The following KCNQ5 variants were observed in gnomAD, a reference collection of about 807,000 sequenced individuals.
KCNQ5 encodes potassium voltage-gated channel subfamily KQT member 5.
Under a neutral mutation model 98.2 loss-of-function variants are expected in KCNQ5, and 30 were observed. The observed-to-expected ratio is 0.31, with a 90% CI of 0.23 to 0.41. The LOEUF is 0.41. Among genes scored for constraint, KCNQ5 ranks in the 10% least tolerant of loss-of-function variants. The probability of loss-of-function intolerance (pLI) is 1.00; values close to 1 mark genes in which losing one functional copy is unlikely to be tolerated. For missense variants in KCNQ5, 835 were observed against 1,182.5 expected (o/e 0.71, Z 4.31); for synonymous variants, 458 against 449.4 (o/e 1.02, Z -0.24).
intron 9 of KCNQ5, 197 bp downstream of exon 9, chr6:73,124,709 T>C (rs1775879024): frequency 1.7e-6 from 1 of 592,502 alleles, no homozygotes; most frequent in Admixed American, 3.0e-5. Flanking sequence ...CCTAACTCAC[T>C]CCCTGCTTTT....
In KCNQ5 at chr6:73,190,589, G is replaced by T; in HGVS notation, c.1594G>T (p.Val532Phe). Residue 532 changes from valine (V) to phenylalanine (F), a missense_variant, in exon 12 of 14, where the codon GTT becomes TTT. By Grantham distance (50) the Val-to-Phe change is conservative. This residue lies in a region of KCNQ5 where 146 missense variants were observed against 256.7 expected (regional missense o/e 0.57). Coordinates refer to ENST00000370398, the MANE Select transcript of KCNQ5 (RefSeq NM_019842.4). The stretch of plus-strand genomic sequence containing the variant: ...CTCATACAGAATTATGAAATTTCAT[G>T]TTGCAAAACGGAAGTTTAAGGAAAC... ...IRAIRIMKFH[V>F]AKRKFKETLR... 1.3e-6 allele frequency: 2 copies of T among 1,507,640 alleles called. No individual in the cohort carries two copies. Among genetic ancestry groups the T allele is most frequent in the Non-Finnish European group, 1.8e-6 (2 of 1,105,810 alleles). The allele number at this position is 1,507,640 out of a possible 1,614,324, so 93.4% of individuals were successfully genotyped here.
chr6:72,810,787 A>C (rs1775203567), intron 1 of KCNQ5, among the ~76,000 whole-genome samples: 1 of 152,178 alleles, frequency 6.6e-6, no homozygotes, highest in South Asian at 2.1e-4. Flanking sequence ...GTCAGAAAAA[A>C]AACTCTGAAA....
At chr6:73,058,656 C>T (rs1772635119) in intron 3 of KCNQ5, among the ~76,000 whole-genome samples, 1 of 152,108 alleles carries the variant, frequency 6.6e-6, no homozygotes, top group South Asian at 2.1e-4. Flanking sequence ...TATTTGCAAA[C>T]TATGCATCTG....
At chr6:72,667,930 C>A (rs1161372638) in intron 1 of KCNQ5, among the ~76,000 whole-genome samples, 1 of 152,168 alleles carries the variant, frequency 6.6e-6, no homozygotes, top group East Asian at 1.9e-4. Flanking sequence ...AAGAGACTAT[C>A]ACACACTGGA....
intron 1 of KCNQ5, among the ~76,000 whole-genome samples, chr6:72,708,138 T>C (rs891236233): frequency 5.3e-5 from 8 of 152,248 alleles, no homozygotes; most frequent in African/African-American, 1.9e-4. Flanking sequence ...CTTTACTTTC[T>C]TAATCATATG....
At chr6:72,958,115 CT>C (rs1462805108) in intron 1 of KCNQ5, among the ~76,000 whole-genome samples, 2 of 151,940 alleles carry the variant, frequency 1.3e-5, no homozygotes, top group Admixed American at 6.6e-5. Context: ...GGCATCCAAG[CT>C]TTCAAAATTC....
intron 1 of KCNQ5, among the ~76,000 whole-genome samples, chr6:72,721,850 G>A (rs1444314827): frequency 6.6e-6 from 1 of 152,104 alleles, no homozygotes; most frequent in East Asian, 1.9e-4. Flanking sequence ...CTACCTTATG[G>A]TACACTGAAA....
At chr6:73,026,718 G>A (rs1770906111) in intron 2 of KCNQ5, among the ~76,000 whole-genome samples, 1 of 152,088 alleles carries the variant, frequency 6.6e-6, no homozygotes. Context: ...TTTAATGAGT[G>A]GGCTTATTTT....
At chr6:72,728,861 T>G (rs931781502) in intron 1 of KCNQ5, among the ~76,000 whole-genome samples, 10 of 152,220 alleles carry the variant, frequency 6.6e-5, no homozygotes, top group African/African-American at 2.2e-4. Context: ...ATCTTTTCTT[T>G]CTTTATCTTA....
intron 7 of KCNQ5, among the ~76,000 whole-genome samples, chr6:73,118,220 T>C (rs1775588616): frequency 6.6e-6 from 1 of 152,226 alleles, no homozygotes. Context: ...CTGTGCTACC[T>C]TCTAACAGCG....
intron 1 of KCNQ5, among the ~76,000 whole-genome samples, chr6:72,874,659 A>G (rs1581938337): frequency 6.6e-6 from 1 of 152,302 alleles, no homozygotes; most frequent in Non-Finnish European, 1.5e-5. Flanking sequence ...AGTGCCTGCC[A>G]TAAACCTGGC....
rs112671778 is a variant in KCNQ5, at chr6:73,082,795, T to G, written c.918+4908T>G. ...CACTCCCACAAAACATACTGAGGCT[T>G]GCAGAGCACAAAATGCTCTTTAGTA... On this transcript the variant is annotated intron_variant, in intron 5 of 13. Coordinates refer to ENST00000370398, the MANE Select transcript of KCNQ5 (RefSeq NM_019842.4). Among the ~76,000 whole-genome samples, 1,470 of 152,200 alleles carry G rather than the reference T, an allele frequency of 9.7e-3. 24 individuals carry two copies. The highest frequency in any genetic ancestry group is 0.033 in the African/African-American group (1,385 of 41,522).
At chr6:72,655,816 C>A (rs1467213206) in intron 1 of KCNQ5, among the ~76,000 whole-genome samples, 1 of 151,976 alleles carries the variant, frequency 6.6e-6, no homozygotes, top group Non-Finnish European at 1.5e-5. Flanking sequence ...GATTTGACAC[C>A]AATGCATAGT....
intron 2 of KCNQ5, among the ~76,000 whole-genome samples, chr6:73,030,882 C>T (rs1364181311): frequency 6.6e-6 from 1 of 152,196 alleles, no homozygotes. Context: ...AGCAGAATGT[C>T]TTCCCCACTG....
chr6:73,085,637 T>G (rs1172638766), intron 5 of KCNQ5, among the ~76,000 whole-genome samples: 1 of 152,038 alleles, frequency 6.6e-6, no homozygotes, highest in African/African-American at 2.4e-5. Context: ...AACTCCAGAG[T>G]GCTGTTCTCA....
intron 11 of KCNQ5, among the ~76,000 whole-genome samples, chr6:73,172,303 C>T (rs1463596051): frequency 2.0e-5 from 3 of 152,014 alleles, no homozygotes; most frequent in Non-Finnish European, 2.9e-5. Flanking sequence ...GCAGATGCTG[C>T]GGTGAGCCAA....
intron 1 of KCNQ5, among the ~76,000 whole-genome samples, chr6:72,630,847 G>A (rs9360572): frequency 0.37 from 56,986 of 151,984 alleles, 12,316 homozygotes; most frequent in Middle Eastern, 0.5. Context: ...AGGAAGATAG[G>A]ATTTAGGCAA....
chr6:73,144,714 C>T (rs1219581358), intron 10 of KCNQ5, among the ~76,000 whole-genome samples: 1 of 152,214 alleles, frequency 6.6e-6, no homozygotes, highest in Non-Finnish European at 1.5e-5. Context: ...GACTCATGCT[C>T]TGTGTTCAGC....
intron 6 of KCNQ5, among the ~76,000 whole-genome samples, chr6:73,110,509 G>A (rs1468701115): frequency 6.6e-6 from 1 of 152,002 alleles, no homozygotes; most frequent in East Asian, 1.9e-4. Context: ...AACCTAGAAG[G>A]GAATACTAAT....
Sources: gnomAD v4.1 joint callset for allele counts (sites outside exome capture counted in the v4.1 genomes callset) on GRCh38, gnomAD v4.1.1 for gene constraint, gnomAD v4.1.1 regional missense constraint, MANE v1.5 for transcripts, NCBI Gene and HGNC (gene_info 2026-07-23, HGNC 2026-07-21) for gene names.